Variants in GLS observed in about 807,000 individuals in gnomAD.
GLS encodes glutaminase, also known as glutaminase kidney isoform, mitochondrial.
GLS carries 36 observed loss-of-function variants against 86.7 expected under a neutral mutation model. The observed-to-expected ratio is 0.42, with a 90% CI of 0.32 to 0.55. GLS has a LOEUF of 0.55. Ranked by LOEUF, GLS falls within the 20% of genes least tolerant of loss-of-function variation. GLS has a pLI of 0.17. For synonymous variants in GLS, 317 were observed against 305.9 expected (o/e 1.04, Z -0.38); for missense variants, 528 against 833.4 (o/e 0.63, Z 4.51).
At chr2:190,925,551 T>C (rs1015329352) in intron 11 of GLS, among the ~76,000 whole-genome samples, 1 of 152,216 alleles carries the variant, frequency 6.6e-6, no homozygotes, top group Non-Finnish European at 1.5e-5. Context: ...GTGCCACTGA[T>C]GGGGCTGTAA....
chr2:190,900,456 T>C, intron 3 of GLS, 108 bp from the exon 4 acceptor site: 1 of 506,684 alleles, frequency 2.0e-6, no homozygotes, highest in East Asian at 3.3e-5. Context: ...TTGTATAAAA[T>C]GATAAATTTA....
chr2:190,935,168 T>C lies in GLS; in HGVS notation c.1650+3531T>C. 1.1e-6 allele frequency: 1 copy of C among 900,784 alleles called. No individual in the cohort carries two copies. The highest frequency in any genetic ancestry group is 1.3e-6 in the Non-Finnish European group (1 of 752,912). 55.8% of individuals were successfully genotyped at this position (900,784 alleles called of 1,614,324 possible). ...AGCATAAATGTTGTGCATTTTATCT[T>C]AGTGTTTGGATGAAAACATTTGTGT... On this transcript the variant is annotated intron_variant, in intron 14 of 17. Coordinates refer to ENST00000320717, the MANE Select transcript of GLS (RefSeq NM_014905.5). This position sits in a 1 kb window ranked among gnomAD's most constrained non-coding sequence, Gnocchi z 4.2.
Position 190,913,594 on chromosome 2 carries a change from T to A in GLS, c.1038+3273T>A. On this transcript the variant is annotated intron_variant, in intron 7 of 17. Coordinates refer to ENST00000320717, the MANE Select transcript of GLS (RefSeq NM_014905.5). This position sits in a 1 kb window ranked among gnomAD's most constrained non-coding sequence, Gnocchi z 6.1. Reference sequence around the variant, plus strand: ...AAGGAACAGTTATTTTTATATGATGTAGCAGTATCCTTACGTATTTGTTTT... The same window carrying A: ...AAGGAACAGTTATTTTTATATGATGAAGCAGTATCCTTACGTATTTGTTTT... The A allele has an allele frequency of 1.0e-6, 1 of 964,114 alleles. No individual in the cohort carries two copies. Among genetic ancestry groups the A allele is most frequent in the Middle Eastern group, 5.3e-4 (1 of 1,872 alleles). 59.7% of individuals were successfully genotyped at this position (964,114 alleles called of 1,614,324 possible).
rs1199573089 is a variant in GLS at position 190,949,405 on chromosome 2, G to A, written c.1651-4160G>A. On this transcript the variant is annotated intron_variant, in intron 14 of 17. Coordinates refer to ENST00000320717, the MANE Select transcript of GLS (RefSeq NM_014905.5). This position sits in a 1 kb window ranked among gnomAD's most constrained non-coding sequence, Gnocchi z 4.0. ...GATATTCAAAGATGTAAAAGTTAAG[G>A]TAGATGGGCTGGGCACAGGGGCTCA... 6.6e-6 allele frequency among the ~76,000 whole-genome samples: 1 copy of A among 152,020 alleles called. No individual in the cohort carries two copies. Among genetic ancestry groups the A allele is most frequent in the East Asian group, 1.9e-4 (1 of 5,190 alleles).
chr2:190,912,416 A>G (rs1210919842), intron 7 of GLS, among the ~76,000 whole-genome samples: 1 of 148,840 alleles, frequency 6.7e-6, no homozygotes, highest in East Asian at 2.0e-4. Context: ...ACCCTATGTA[A>G]AATTGAATGC....
At chr2:190,885,284 C>T (rs542354338) in intron 1 of GLS, among the ~76,000 whole-genome samples, 100 of 151,072 alleles carry the variant, frequency 6.6e-4, no homozygotes, top group African/African-American at 2.4e-3. Flanking sequence ...CTCTGCCTCC[C>T]GGGTTCAAGC....
rs1690591562 is a variant in GLS at position 190,947,014 on chromosome 2, G to T, written c.1651-6551G>T. Among the ~76,000 whole-genome samples, 1 of 152,100 alleles carries T rather than the reference G, an allele frequency of 6.6e-6. No individual in the cohort carries two copies. The highest frequency in any genetic ancestry group is 2.4e-5 in the African/African-American group (1 of 41,412). On this transcript the variant is annotated intron_variant, in intron 14 of 17. Coordinates refer to ENST00000320717, the MANE Select transcript of GLS (RefSeq NM_014905.5). This position sits in a 1 kb window ranked among gnomAD's most constrained non-coding sequence, Gnocchi z 5.0. ...AACATATTTTATAACCAGCCTGTCA[G>T]GGATTTTTAAAAACAACTATAACTG...
intron 14 of GLS, chr2:190,933,896 A>T (rs937231321): frequency 1.1e-6 from 1 of 915,534 alleles, no homozygotes; most frequent in African/African-American, 1.8e-5. Flanking sequence ...CTACTAAAAT[A>T]CGTTAGATCT....
chr2:190,896,347 T>C (rs907166765), intron 3 of GLS: 1 of 152,244 alleles, frequency 6.6e-6, no homozygotes, highest in African/African-American at 2.4e-5. Flanking sequence ...CATTAATGTG[T>C]TTCTATTAGT....
intron 6 of GLS, among the ~76,000 whole-genome samples, chr2:190,908,520 A>AT (rs1455358194): frequency 6.6e-6 from 1 of 152,258 alleles, no homozygotes; most frequent in Admixed American, 6.5e-5. Flanking sequence ...TTTTGTCAGT[A>AT]TAACACGCTC....
chr2:190,899,428 T>C (rs905034546), intron 3 of GLS, among the ~76,000 whole-genome samples: 1 of 152,142 alleles, frequency 6.6e-6, no homozygotes, highest in Non-Finnish European at 1.5e-5. Flanking sequence ...GAGTATATAT[T>C]ATTCTGAATT....
chr2:190,894,012 A>G (rs1688647563), intron 1 of GLS, among the ~76,000 whole-genome samples: 1 of 152,234 alleles, frequency 6.6e-6, no homozygotes, highest in African/African-American at 2.4e-5. Flanking sequence ...TGTGACATTC[A>G]GTATTTAAAA....
At chr2:190,909,004 A>G (rs1045166066) in intron 6 of GLS, among the ~76,000 whole-genome samples, 2 of 152,234 alleles carry the variant, frequency 1.3e-5, no homozygotes, top group Admixed American at 1.3e-4. Flanking sequence ...AAAAGCTCTG[A>G]AATGACAGAT....
chr2:190,949,115 A>C lies in GLS; in HGVS notation c.1651-4450A>C, dbSNP rs1289086119. Reference sequence around the variant, plus strand: ...TAAGAGCATAGACACCAAGACAAAAACAAGGGCAGTAAGACCAATTTTGCT... The same window carrying C: ...TAAGAGCATAGACACCAAGACAAAACCAAGGGCAGTAAGACCAATTTTGCT... On this transcript the variant is annotated intron_variant, in intron 14 of 17. Transcript: ENST00000320717. This position sits in a 1 kb window ranked among gnomAD's most constrained non-coding sequence, Gnocchi z 4.0. 6.6e-6 allele frequency among the ~76,000 whole-genome samples: 1 copy of C among 152,194 alleles called. No individual in the cohort carries two copies. Among genetic ancestry groups the C allele is most frequent in the Non-Finnish European group, 1.5e-5 (1 of 68,024 alleles).
In GLS at chr2:190,888,089, G is replaced by A. The variant is rs139259649; in HGVS notation, c.386+6619G>A. ...TTCCCCCCCATTATAAGTGGGAAAC[G>A]TCTAAAACAGTAAAAAACATTCCAT... On this transcript the variant is annotated intron_variant, in intron 1 of 17. Coordinates refer to ENST00000320717, the MANE Select transcript of GLS (RefSeq NM_014905.5). 7.7e-3 allele frequency among the ~76,000 whole-genome samples: 1,175 copies of A among 152,174 alleles called. 18 individuals carry two copies. Among genetic ancestry groups the A allele is most frequent in the African/African-American group, 0.027 (1,104 of 41,510 alleles).
At chr2:190,916,117 T>G in intron 7 of GLS, among the ~76,000 whole-genome samples, 1 of 152,138 alleles carries the variant, frequency 6.6e-6, no homozygotes, top group Non-Finnish European at 1.5e-5. Flanking sequence ...ATAGAAGATA[T>G]CCACTGATAT....
In GLS at chr2:190,954,374, C is replaced by A. The variant is rs1055958171; in HGVS notation, c.1713-210C>A. Among the ~76,000 whole-genome samples the A allele has an allele frequency of 6.6e-6, 1 of 151,692 alleles. No homozygotes were observed. The highest frequency in any genetic ancestry group is 2.4e-5 in the African/African-American group (1 of 41,300). ...GAGAGATGGTTAACATTTAATCTTACCTAAAAAAAAGCAAAGCTGAGGAAG... is the reference window on the plus strand; with the variant it reads ...GAGAGATGGTTAACATTTAATCTTAACTAAAAAAAAGCAAAGCTGAGGAAG... On this transcript the variant is annotated intron_variant, in intron 15 of 17. Coordinates refer to ENST00000320717, the MANE Select transcript of GLS (RefSeq NM_014905.5). This position sits in a 1 kb window ranked among gnomAD's most constrained non-coding sequence, Gnocchi z 4.0.
Position 190,941,942 on chromosome 2 carries a change from G to A in GLS, c.1650+10305G>A, listed in dbSNP as rs78821879. 4.3e-4 allele frequency among the ~76,000 whole-genome samples: 65 copies of A among 152,058 alleles called. No homozygotes were observed. The East Asian group carries it at 0.012, about 29-fold the overall frequency. On this transcript the variant is annotated intron_variant, in intron 14 of 17. Coordinates refer to ENST00000320717, the MANE Select transcript of GLS (RefSeq NM_014905.5). ...ATTCAAAAATCTAAATGTTTAATGT[G>A]CACCCCAGGTGCTTCTGCTGTAGGT...
In GLS at chr2:190,900,708, G is replaced by A; in HGVS notation, c.735+15G>A. 2 of 1,592,992 alleles carry A rather than the reference G, an allele frequency of 1.3e-6. No homozygotes were observed. Among genetic ancestry groups the A allele is most frequent in the South Asian group, 1.1e-5 (1 of 90,132 alleles). The stretch of plus-strand genomic sequence containing the variant: ...CTGGAGGAAAGGTAATGCTTTTGAT[G>A]TACATATTTTCATAACCGAATCACT... On this transcript the variant is annotated intron_variant, in intron 4 of 17. Transcript: ENST00000320717.
Sources: allele counts gnomAD v4.1 joint callset (sites outside exome capture counted in the v4.1 genomes callset), GRCh38; gene constraint gnomAD v4.1.1; non-coding constraint Gnocchi (gnomAD v3.1); transcripts MANE v1.5; gene names NCBI Gene and HGNC (gene_info 2026-07-23, HGNC 2026-07-21).